The following CDK14 variants were observed in gnomAD, a reference collection of about 807,000 sequenced individuals.
CDK14 encodes the protein cyclin dependent kinase 14, also known as cyclin-dependent kinase 14.
Under a neutral mutation model 60.7 loss-of-function variants are expected in CDK14, and 34 were observed. That is an observed-to-expected ratio of 0.56 (90% confidence interval 0.43 to 0.75). The LOEUF (loss-of-function observed/expected upper bound fraction) is 0.75, where lower values mean the gene tolerates loss of function less well. Among genes scored for constraint, CDK14 ranks in the 30% least tolerant of loss-of-function variants. The pLI is 0.00. For missense variants in CDK14, 482 were observed against 564.1 expected, an observed-to-expected ratio of 0.85 and a Z score of 1.47; for synonymous variants, 197 against 203.7, an observed-to-expected ratio of 0.97 and a Z score of 0.28.
intron 8 of CDK14, among the ~76,000 whole-genome samples, chr7:90,926,867 G>A (rs919835744): frequency 4.6e-5 from 7 of 152,200 alleles, no homozygotes; most frequent in South Asian, 4.1e-4. Context: ...GCATTCCCAC[G>A]CCCCCTTCCT....
At chr7:90,775,110 A>G (rs1804960645) in intron 4 of CDK14, among the ~76,000 whole-genome samples, 1 of 152,120 alleles carries the variant, frequency 6.6e-6, no homozygotes, top group South Asian at 2.1e-4. Flanking sequence ...TTAGAGAAAG[A>G]GGGGGCATTT....
At chr7:90,707,481 A>G (rs1218639503) in intron 2 of CDK14, among the ~76,000 whole-genome samples, 4 of 151,850 alleles carry the variant, frequency 2.6e-5, no homozygotes, top group Non-Finnish European at 5.9e-5. Flanking sequence ...TTTCTACACC[A>G]TTACCCTGTC....
At position 90,725,176 on chromosome 7, in the gene CDK14, T is replaced by G. The variant is rs547821087; in HGVS notation, c.124-1391T>G. ...ACATGCTTTTCTACTTTAGTGGTTT[T>G]TAAAACATTACATATGTTGGAATAT... On this transcript the variant is annotated intron_variant, in intron 2 of 14. Transcript: ENST00000380050. Among the ~76,000 whole-genome samples the G allele has an allele frequency of 2.6e-5, 4 of 152,310 alleles. No homozygotes were observed. In the East Asian group the frequency reaches 7.7e-4, roughly 29 times the overall value.
intron 2 of CDK14, among the ~76,000 whole-genome samples, chr7:90,649,888 C>G (rs1371177284): frequency 6.6e-6 from 1 of 151,720 alleles, no homozygotes; most frequent in Non-Finnish European, 1.5e-5. Flanking sequence ...GGTTCCAAGT[C>G]TGCTATTGTG....
intron 8 of CDK14, among the ~76,000 whole-genome samples, chr7:90,928,506 T>A (rs147944060): frequency 0.16 from 23,632 of 152,208 alleles, 2,107 homozygotes; most frequent in Middle Eastern, 0.27. Flanking sequence ...CCTGTTTGCC[T>A]GGGTATCACC....
chr7:90,866,816 G>A (rs962004974), intron 6 of CDK14, among the ~76,000 whole-genome samples: 1 of 152,162 alleles, frequency 6.6e-6, no homozygotes, highest in African/African-American at 2.4e-5. Context: ...TCAAGGAAAT[G>A]ACTTTGAAGG....
chr7:90,906,639 A>G (rs951168990), intron 7 of CDK14, among the ~76,000 whole-genome samples: 1 of 152,050 alleles, frequency 6.6e-6, no homozygotes, highest in African/African-American at 2.4e-5. Context: ...TATTTTGTAT[A>G]TAATTGTGTA....
chr7:90,650,239 T>G (rs2116473061), intron 2 of CDK14, among the ~76,000 whole-genome samples: 1 of 152,362 alleles, frequency 6.6e-6, no homozygotes, highest in South Asian at 2.1e-4. Flanking sequence ...ATGTGTCTAT[T>G]GGCTGCATAA....
intron 5 of CDK14, among the ~76,000 whole-genome samples, chr7:90,850,372 G>A (rs771379991): frequency 4.6e-5 from 7 of 152,188 alleles, no homozygotes; most frequent in Non-Finnish European, 1.0e-4. Flanking sequence ...ACTGAATTGA[G>A]TGCTATGGGC....
At chr7:90,976,353 C>T (rs926717235) in intron 9 of CDK14, among the ~76,000 whole-genome samples, 1 of 151,746 alleles carries the variant, frequency 6.6e-6, no homozygotes, top group African/African-American at 2.4e-5. Flanking sequence ...CATTTGTCCC[C>T]CCGCTTTTTT....
chr7:90,853,670 CAA>C (rs79667639), intron 5 of CDK14, among the ~76,000 whole-genome samples: 1 of 152,240 alleles, frequency 6.6e-6, no homozygotes, highest in East Asian at 1.9e-4. Context: ...TTCATGAGAA[CAA>C]GAGTTTTTTG....
At chr7:91,198,379 T>C (rs1274414678) in intron 14 of CDK14, among the ~76,000 whole-genome samples, 1 of 152,114 alleles carries the variant, frequency 6.6e-6, no homozygotes, top group Non-Finnish European at 1.5e-5. Flanking sequence ...ATAAACTTGA[T>C]GTAAGGGTTG....
chr7:90,749,678 C>G (rs1803740802), intron 4 of CDK14, among the ~76,000 whole-genome samples: 1 of 152,238 alleles, frequency 6.6e-6, no homozygotes, highest in Admixed American at 6.5e-5. Flanking sequence ...ATCTGGAGCA[C>G]TTACACTCCT....
At chr7:90,876,047 T>A (rs1291238968) in intron 6 of CDK14, among the ~76,000 whole-genome samples, 4 of 152,172 alleles carry the variant, frequency 2.6e-5, no homozygotes, top group African/African-American at 9.7e-5. Context: ...TTAGTTTGTT[T>A]TGGGCTCTCT....
At chr7:90,601,935 T>C (rs1463176658) in intron 1 of CDK14, among the ~76,000 whole-genome samples, 1 of 148,636 alleles carries the variant, frequency 6.7e-6, no homozygotes, top group Non-Finnish European at 1.5e-5. Flanking sequence ...TGTATGTATG[T>C]ATGTATGTAT....
rs1005803962 is a variant in CDK14 at position 91,158,364 on chromosome 7, T to C, written c.*28+40156T>C. 1.3e-5 allele frequency among the ~76,000 whole-genome samples: 2 copies of C among 151,850 alleles called. 1 individual carries two copies. Among genetic ancestry groups the C allele is most frequent in the South Asian group, 4.1e-4 (2 of 4,822 alleles). ...AGTAGCTAGAACTACAGGCACATGC[T>C]ATCATGCCCAGCTAATTTTTCTTTT... On this transcript the variant is annotated intron_variant, in intron 14 of 14. Coordinates refer to ENST00000380050, the MANE Select transcript of CDK14 (RefSeq NM_001287135.2).
intron 5 of CDK14, among the ~76,000 whole-genome samples, chr7:90,823,369 A>C (rs1789615731): frequency 6.6e-6 from 1 of 152,232 alleles, no homozygotes; most frequent in Non-Finnish European, 1.5e-5. Context: ...GTTTTGAAAA[A>C]TAATTTCCCA....
chr7:90,780,582 C>T (rs1048004135), intron 4 of CDK14, among the ~76,000 whole-genome samples: 1 of 126,200 alleles, frequency 7.9e-6, no homozygotes. Context: ...CCCCTCCCCC[C>T]ACCCCACAAC....
chr7:90,974,898 C>G (rs1234593522), intron 9 of CDK14, among the ~76,000 whole-genome samples: 2 of 152,136 alleles, frequency 1.3e-5, no homozygotes, highest in Non-Finnish European at 2.9e-5. Context: ...TAGCTGGTGC[C>G]TTTTTGACCT....
Sources: allele counts gnomAD v4.1 joint callset (sites outside exome capture counted in the v4.1 genomes callset), GRCh38; gene constraint gnomAD v4.1.1; transcripts MANE v1.5; gene names NCBI Gene and HGNC (gene_info 2026-07-23, HGNC 2026-07-21).